Variants in CELSR1 observed in about 807,000 individuals in gnomAD.
CELSR1 encodes cadherin EGF LAG seven-pass G-type receptor 1.
A neutral mutation model predicts 249.1 loss-of-function variants in CELSR1; 110 were observed. The observed-to-expected ratio is 0.44, with a 90% CI of 0.38 to 0.52. The LOEUF is 0.52. Ranked by LOEUF, CELSR1 falls within the 20% of genes least tolerant of loss-of-function variation. The pLI, the probability that CELSR1 is intolerant of heterozygous loss-of-function variation, is 0.00. For synonymous variants in CELSR1, 2,113 were observed against 1,900.0 expected (o/e 1.11, Z -2.92); for missense variants, 4,109 against 4,296.4 (o/e 0.96, Z 1.22).
chr22:46,438,567 T>C (rs1461697224), intron 3 of CELSR1, among the ~76,000 whole-genome samples: 1 of 152,212 alleles, frequency 6.6e-6, no homozygotes, highest in African/African-American at 2.4e-5. Context: ...CTGTTCATAA[T>C]TGTCCAGTGC....
At position 46,533,774 on chromosome 22, in the gene CELSR1, C is replaced by T; in HGVS notation, c.3397G>A (p.Asp1133Asn). ...GTGTAGTTGAGGCTGTCTGACACGTCGGGGTCATGGGCCGGGATGCAGCCG... is the reference window on the plus strand; with the variant it reads ...GTGTAGTTGAGGCTGTCTGACACGTTGGGGTCATGGGCCGGGATGCAGCCG... Reference protein sequence around the residue: ...VIGCIPAHDPDVSDSLNYTFV... With the variant: ...VIGCIPAHDPNVSDSLNYTFV... Residue 1133 changes from aspartate to asparagine, a missense_variant, in exon 1 of 35, where the codon GAC becomes AAC. Physicochemically the swap from Asp to Asn is conservative, Grantham distance 23. Around this residue, in one of 7 missense-constraint regions of CELSR1, gnomAD observed 886 missense variants for 896.5 expected, o/e 0.99. Coordinates refer to ENST00000674500, the MANE Select transcript of CELSR1 (RefSeq NM_001378328.1). The T allele has an allele frequency of 6.2e-7, 1 of 1,613,590 alleles. No homozygotes were observed. The highest frequency in any genetic ancestry group is 2.2e-5 in the East Asian group (1 of 44,884).
At chr22:46,389,141 C>T in intron 18 of CELSR1, 149 bp downstream of exon 18, 1 of 888,746 alleles carries the variant, frequency 1.1e-6, no homozygotes. Flanking sequence ...CTGCACCCGC[C>T]AGGGCTCACA....
Position 46,406,680 on chromosome 22 carries a change from G to C in CELSR1, c.5226+2316C>G, listed in dbSNP as rs905447005. On this transcript the variant is annotated intron_variant, in intron 9 of 34. Transcript: ENST00000674500. The surrounding 1 kb of genome is among the most constrained non-coding windows in gnomAD (Gnocchi z 5.4). ...ATGGGCTGTCCTTAGGAGTGACAGAGAAGGGCCTGTGGCTGTCCCAGGAAC... is the reference window on the plus strand; with the variant it reads ...ATGGGCTGTCCTTAGGAGTGACAGACAAGGGCCTGTGGCTGTCCCAGGAAC... Among the ~76,000 whole-genome samples the C allele has an allele frequency of 2.0e-5, 3 of 152,226 alleles. No homozygotes were observed. Among genetic ancestry groups the C allele is most frequent in the Admixed American group, 1.3e-4 (2 of 15,286 alleles).
In CELSR1 at chr22:46,510,217, A is replaced by AT. The variant is rs143791075; in HGVS notation, c.3544+23409dup. On this transcript the variant is annotated intron_variant, in intron 1 of 34. Transcript: ENST00000674500. Reference sequence around the variant, plus strand: ...TCTTCTGGTGTGAAATAAAAAAATGATTTTTTTAAAACGAGGGATCCAGGC... The same window carrying AT: ...TCTTCTGGTGTGAAATAAAAAAATGATTTTTTTTAAAACGAGGGATCCAGGC... Among the ~76,000 whole-genome samples, 1,334 of 152,182 alleles carry AT rather than the reference A, an allele frequency of 8.8e-3. 22 individuals carry two copies. The highest frequency in any genetic ancestry group is 0.031 in the African/African-American group (1,285 of 41,514).
Position 46,399,934 on chromosome 22 carries a change from G to T in CELSR1, c.5227-32C>A, listed in dbSNP as rs760312886. 2 of 1,600,488 alleles carry T rather than the reference G, an allele frequency of 1.2e-6. No homozygotes were observed. Among genetic ancestry groups the T allele is most frequent in the Non-Finnish European group, 1.7e-6 (2 of 1,170,044 alleles). Reference sequence around the variant, plus strand: ...CAGGGAGAGCCACACCGACTGATTGGTACAATGACAATGAAAGAGAAAACA... The same window carrying T: ...CAGGGAGAGCCACACCGACTGATTGTTACAATGACAATGAAAGAGAAAACA... On this transcript the variant is annotated intron_variant, in intron 9 of 34. Coordinates refer to ENST00000674500, the MANE Select transcript of CELSR1 (RefSeq NM_001378328.1). This position sits in a 1 kb window ranked among gnomAD's most constrained non-coding sequence, Gnocchi z 5.0.
chr22:46,389,813 G>T (rs188772893), intron 17 of CELSR1, among the ~76,000 whole-genome samples: 1 of 152,072 alleles, frequency 6.6e-6, no homozygotes, highest in Non-Finnish European at 1.5e-5. Flanking sequence ...AATTAGCAGG[G>T]TGTGGTGGTG....
chr22:46,459,545 C>T (rs1032954336), intron 2 of CELSR1, among the ~76,000 whole-genome samples: 4 of 152,182 alleles, frequency 2.6e-5, no homozygotes, highest in African/African-American at 9.7e-5. Flanking sequence ...AGCCAGAATG[C>T]CTGGGTTTGA....
rs2079921860 is a variant in CELSR1, at chr22:46,454,377, C to T, written c.4183+9330G>A. Reference sequence around the variant, plus strand: ...CAGGGGTGAGCGAGCGTGCCCAGCCCTGCTGTCACGGAGCCCACACTCTCT... The same window carrying T: ...CAGGGGTGAGCGAGCGTGCCCAGCCTTGCTGTCACGGAGCCCACACTCTCT... On this transcript the variant is annotated intron_variant, in intron 2 of 34. Coordinates refer to ENST00000674500, the MANE Select transcript of CELSR1 (RefSeq NM_001378328.1). This position sits in a 1 kb window ranked among gnomAD's most constrained non-coding sequence, Gnocchi z 5.1. Among the ~76,000 whole-genome samples, 1 of 152,230 alleles carries T rather than the reference C, an allele frequency of 6.6e-6. No individual in the cohort carries two copies. Among genetic ancestry groups the T allele is most frequent in the African/African-American group, 2.4e-5 (1 of 41,466 alleles).
Position 46,445,350 on chromosome 22 carries a change from C to T in CELSR1, c.4184-5939G>A, listed in dbSNP as rs901425916. Among the ~76,000 whole-genome samples the T allele has an allele frequency of 7.9e-5, 12 of 151,912 alleles. No individual in the cohort carries two copies. The highest frequency in any genetic ancestry group is 2.6e-4 in the Admixed American group (4 of 15,252). Reference sequence around the variant, plus strand: ...CTCTACTAAAAATATAAAAATTAGCCGGGTATGGTGGCGCATGCCTGTAGT... The same window carrying T: ...CTCTACTAAAAATATAAAAATTAGCTGGGTATGGTGGCGCATGCCTGTAGT... On this transcript the variant is annotated intron_variant, in intron 2 of 34. Transcript: ENST00000674500. This position sits in a 1 kb window ranked among gnomAD's most constrained non-coding sequence, Gnocchi z 4.4.
At chr22:46,483,026 G>A (rs921205040) in intron 1 of CELSR1, among the ~76,000 whole-genome samples, 4 of 152,112 alleles carry the variant, frequency 2.6e-5, no homozygotes, top group African/African-American at 7.2e-5. Flanking sequence ...TCTACATAAC[G>A]GACAAAGTGA....
In CELSR1 at chr22:46,468,290, G is replaced by A. The variant is rs879780916; in HGVS notation, c.3545-3945C>T. ...AATCTTAGCTACTCGGGAGGCTGAG[G>A]CAGGAGAATCGCTTGAACCCAAGAG... On this transcript the variant is annotated intron_variant, in intron 1 of 34. Coordinates refer to ENST00000674500, the MANE Select transcript of CELSR1 (RefSeq NM_001378328.1). The surrounding 1 kb of genome is among the most constrained non-coding windows in gnomAD (Gnocchi z 4.5). 6.6e-6 allele frequency among the ~76,000 whole-genome samples: 1 copy of A among 151,956 alleles called. No individual in the cohort carries two copies. Among genetic ancestry groups the A allele is most frequent in the South Asian group, 2.1e-4 (1 of 4,814 alleles).
intron 33 of CELSR1, 109 bp from the exon 34 acceptor site, chr22:46,364,360 C>G (rs2078742431): frequency 3.3e-6 from 5 of 1,528,524 alleles, no homozygotes; most frequent in Non-Finnish European, 4.4e-6. Context: ...CTCCTGGTTC[C>G]CCGGGTCCCA....
rs2080855823 is a variant in CELSR1, at chr22:46,536,364, C to T, written c.807G>A (p.Ala269=). Residue 269 remains alanine, a synonymous_variant, in exon 1 of 35, where the codon GCG becomes GCA. Transcript: ENST00000674500. ...CCTCCTCGCCCTCGATGGTGTAGTG[C>T]GCGTGCAGCTGGAGGATGAGGGTGC... The part of the protein sequence containing the change: ...PAGTLILQLH[A]HYTIEGEEER... The T allele has an allele frequency of 1.2e-6, 2 of 1,612,312 alleles. No homozygotes were observed. The highest frequency in any genetic ancestry group is 1.3e-5 in the African/African-American group (1 of 75,064).
At position 46,527,111 on chromosome 22, in the gene CELSR1, T is replaced by C. The variant is rs1261436350; in HGVS notation, c.3544+6516A>G. ...GCCCTGTCCTTGGTTTGCTCATCTC[T>C]AGGATGGAGGTGGCGACGGTACTTT... On this transcript the variant is annotated intron_variant, in intron 1 of 34. Transcript: ENST00000674500. This position sits in a 1 kb window ranked among gnomAD's most constrained non-coding sequence, Gnocchi z 5.5. 6.6e-6 allele frequency among the ~76,000 whole-genome samples: 1 copy of C among 152,138 alleles called. No homozygotes were observed. Among genetic ancestry groups the C allele is most frequent in the Non-Finnish European group, 1.5e-5 (1 of 68,018 alleles).
chr22:46,496,851 C>CT (rs925577725), intron 1 of CELSR1, among the ~76,000 whole-genome samples: 45 of 147,198 alleles, frequency 3.1e-4, no homozygotes, highest in Admixed American at 6.1e-4. Context: ...TTACAGTTAA[C>CT]TTTTTTTTTT....
intron 1 of CELSR1, among the ~76,000 whole-genome samples, chr22:46,475,087 C>T (rs148763473): frequency 9.0e-4 from 137 of 152,264 alleles, no homozygotes; most frequent in Non-Finnish European, 1.7e-3. Context: ...CAAAGGCACA[C>T]TTATTCACTT....
rs911842267 is a variant in CELSR1 at position 46,393,971 on chromosome 22, G to A, written c.5964+171C>T. On this transcript the variant is annotated intron_variant, in intron 14 of 34. Transcript: ENST00000674500. The surrounding 1 kb of genome is among the most constrained non-coding windows in gnomAD (Gnocchi z 4.1). Reference sequence around the variant, plus strand: ...TCACAGAGCACGGGGGAGCAGCAAGGAAACCAAAAACCACATCTGTACACA... The same window carrying A: ...TCACAGAGCACGGGGGAGCAGCAAGAAAACCAAAAACCACATCTGTACACA... Among the ~76,000 whole-genome samples, 1 of 152,238 alleles carries A rather than the reference G, an allele frequency of 6.6e-6. No homozygotes were observed. Among genetic ancestry groups the A allele is most frequent in the Non-Finnish European group, 1.5e-5 (1 of 68,040 alleles).
At position 46,363,327 on chromosome 22, in the gene CELSR1, G is replaced by A. The variant is rs2078726937; in HGVS notation, c.9036-80C>T. 4 of 1,251,750 alleles carry A rather than the reference G, an allele frequency of 3.2e-6. No individual in the cohort carries two copies. In the East Asian group the frequency reaches 9.4e-5, roughly 30 times the overall value. The allele number at this position is 1,251,750 out of a possible 1,614,324, so 77.5% of individuals were successfully genotyped here. The stretch of plus-strand genomic sequence containing the variant: ...TGGTGGGGCCCAAGGTTGTCACACG[G>A]GGGGGCAGGATCACCCCATCAGGGT... On this transcript the variant is annotated intron_variant, in intron 34 of 34. Transcript: ENST00000674500. The surrounding 1 kb of genome is among the most constrained non-coding windows in gnomAD (Gnocchi z 4.3).
chr22:46,390,387 C>G lies in CELSR1; in HGVS notation c.6345+5G>C. ...GCTGAACACACATCCCCGAGGCGCC[C>G]CTACCATGGCCCTGAGGTCCACGAA... On this transcript the variant is annotated splice_donor_5th_base_variant and intron_variant, in intron 17 of 34. Coordinates refer to ENST00000674500, the MANE Select transcript of CELSR1 (RefSeq NM_001378328.1). The surrounding 1 kb of genome is among the most constrained non-coding windows in gnomAD (Gnocchi z 6.3). 6.2e-7 allele frequency: 1 copy of G among 1,610,834 alleles called. No homozygotes were observed.
Sources: gnomAD v4.1 joint callset for allele counts (sites outside exome capture counted in the v4.1 genomes callset) on GRCh38, gnomAD v4.1.1 for gene constraint, gnomAD v4.1.1 regional missense constraint, Gnocchi (gnomAD v3.1) non-coding constraint, MANE v1.5 for transcripts, NCBI Gene and HGNC (gene_info 2026-07-23, HGNC 2026-07-21) for gene names.